Variants in DVL3 observed in about 807,000 individuals in gnomAD.
DVL3 encodes segment polarity protein dishevelled homolog DVL-3.
In DVL3, 27 loss-of-function variants were observed where a neutral mutation model predicts 67.4. The observed-to-expected ratio is 0.40, with a 90% confidence interval of 0.30 to 0.55. The LOEUF is 0.55. DVL3 is among the 20% of genes least tolerant of loss of function. The pLI is 0.46. For missense variants in DVL3, 819 were observed against 1,021.5 expected, an observed-to-expected ratio of 0.80 and a Z score of 2.70; for synonymous variants, 369 against 396.8, an observed-to-expected ratio of 0.93 and a Z score of 0.83.
chr3:184,166,118 C>T lies in DVL3; in HGVS notation c.764-8C>T, dbSNP rs746045622. On this transcript the variant is annotated splice_polypyrimidine_tract_variant and splice_region_variant and intron_variant, in intron 7 of 14. Coordinates refer to ENST00000313143, the MANE Select transcript of DVL3 (RefSeq NM_004423.4). This position sits in a 1 kb window ranked among gnomAD's most constrained non-coding sequence, Gnocchi z 6.7. ...CTCCCCCTTAAGGTCTTAAATTACT[C>T]TCTATAGAAAAATATAACTTCTTGG... 6.2e-6 allele frequency: 10 copies of T among 1,611,704 alleles called. No homozygotes were observed. The East Asian group carries it at 2.2e-4, about 36-fold the overall frequency.
intron 1 of DVL3, among the ~76,000 whole-genome samples, chr3:184,160,626 G>T (rs1714348146): frequency 6.6e-6 from 1 of 152,132 alleles, no homozygotes; most frequent in South Asian, 2.1e-4. Flanking sequence ...CCCCAAAGCT[G>T]CTGAAGATCA....
Position 184,171,696 on chromosome 3 carries a change from A to C in DVL3, c.*941A>C. 1.5e-6 allele frequency: 1 copy of C among 660,568 alleles called. No homozygotes were observed. The highest frequency in any genetic ancestry group is 1.9e-6 in the Non-Finnish European group (1 of 533,030). The allele number at this position is 660,568 out of a possible 1,614,324, so 40.9% of individuals were successfully genotyped here. A position where few individuals can be genotyped will look rare whatever the true frequency, so the allele number is the denominator to read the frequency against. On this transcript the variant is annotated 3_prime_UTR_variant, in exon 15 of 15. Transcript: ENST00000313143. ...AAGGATGTCCAGCCCCCACACCCAC[A>C]CGTTAACATAATGAGTCACTAGGCT...
rs915944342 is a variant in DVL3, at chr3:184,167,237, G to A, written c.1198+262G>A. ...GGGACTCACGATATAAACTTTACCA[G>A]GTTCCTGTGGGTTTAATGAGAGGAT... On this transcript the variant is annotated intron_variant, in intron 11 of 14. Transcript: ENST00000313143. This position sits in a 1 kb window ranked among gnomAD's most constrained non-coding sequence, Gnocchi z 4.6. 6.6e-6 allele frequency among the ~76,000 whole-genome samples: 1 copy of A among 152,182 alleles called. No individual in the cohort carries two copies. Among genetic ancestry groups the A allele is most frequent in the Admixed American group, 6.5e-5 (1 of 15,280 alleles).
chr3:184,164,427 C>T lies in DVL3; in HGVS notation c.353+39C>T. On this transcript the variant is annotated intron_variant, in intron 3 of 14. Coordinates refer to ENST00000313143, the MANE Select transcript of DVL3 (RefSeq NM_004423.4). This position sits in a 1 kb window ranked among gnomAD's most constrained non-coding sequence, Gnocchi z 5.3. ...GAGGGTGGGGAGGGCCGCATCAGTT[C>T]AGCCCAGGGCTGGGGGAGGGAGCCC... 1 of 1,604,368 alleles carries T rather than the reference C, an allele frequency of 6.2e-7. No individual in the cohort carries two copies. Among genetic ancestry groups the T allele is most frequent in the Non-Finnish European group, 8.5e-7 (1 of 1,175,002 alleles).
rs777094418 is a variant in DVL3 at position 184,166,151 on chromosome 3, C to T, written c.789C>T (p.Ser263=). ...AAAAATATAACTTCTTGGGCATCTC[C>T]ATTGTGGGCCAAAGCAACGAGCGTG... The part of the protein sequence containing the change: ...NMEKYNFLGI[S]IVGQSNERGD... Residue 263 remains serine, a synonymous_variant, in exon 8 of 15, where the codon TCC becomes TCT. Coordinates refer to ENST00000313143, the MANE Select transcript of DVL3 (RefSeq NM_004423.4). This position sits in a 1 kb window ranked among gnomAD's most constrained non-coding sequence, Gnocchi z 6.7. 4 of 1,613,800 alleles carry T rather than the reference C, an allele frequency of 2.5e-6. No individual in the cohort carries two copies. Among genetic ancestry groups the T allele is most frequent in the Admixed American group, 3.3e-5 (2 of 59,848 alleles).
At position 184,164,143 on chromosome 3, in the gene DVL3, G is replaced by A; in HGVS notation, c.232-124G>A. ...ATCTCAGCCACCCTCGCACAGCCCT[G>A]TCTTTTCTCCCTCGATATTTCCTGC... On this transcript the variant is annotated intron_variant, in intron 2 of 14. Coordinates refer to ENST00000313143, the MANE Select transcript of DVL3 (RefSeq NM_004423.4). This position sits in a 1 kb window ranked among gnomAD's most constrained non-coding sequence, Gnocchi z 5.3. 1 of 1,232,578 alleles carries A rather than the reference G, an allele frequency of 8.1e-7. No homozygotes were observed. Among genetic ancestry groups the A allele is most frequent in the South Asian group, 1.4e-5 (1 of 70,812 alleles). 76.4% of individuals were successfully genotyped at this position (1,232,578 alleles called of 1,614,324 possible).
chr3:184,155,586 C>T lies in DVL3; in HGVS notation c.-50C>T, dbSNP rs772938093. The T allele has an allele frequency of 2.1e-5, 23 of 1,077,964 alleles. No individual in the cohort carries two copies. Among genetic ancestry groups the T allele is most frequent in the Non-Finnish European group, 2.5e-5 (22 of 888,548 alleles). The allele number at this position is 1,077,964 out of a possible 1,614,324, so 66.8% of individuals were successfully genotyped here. A position where few individuals can be genotyped will look rare whatever the true frequency, so the allele number is the denominator to read the frequency against. Reference sequence around the variant, plus strand: ...CCGCCGCCGTCTGGGAGGCTCGGCCCGGCCGCCCGAGCAGGCCGCGCGCGG... The same window carrying T: ...CCGCCGCCGTCTGGGAGGCTCGGCCTGGCCGCCCGAGCAGGCCGCGCGCGG... On this transcript the variant is annotated 5_prime_UTR_variant, in exon 1 of 15. Transcript: ENST00000313143. The surrounding 1 kb of genome is among the most constrained non-coding windows in gnomAD (Gnocchi z 5.4).
At position 184,166,741 on chromosome 3, in the gene DVL3, C is replaced by T. The variant is rs115984287; in HGVS notation, c.1048+68C>T. On this transcript the variant is annotated intron_variant, in intron 10 of 14. Transcript: ENST00000313143. This position sits in a 1 kb window ranked among gnomAD's most constrained non-coding sequence, Gnocchi z 6.7. ...ACATGAGCACTGTCTCTCCTTTCTTCTCTCACCCAGAACCCCCATATCTAT... is the reference window on the plus strand; with the variant it reads ...ACATGAGCACTGTCTCTCCTTTCTTTTCTCACCCAGAACCCCCATATCTAT... 2.0e-5 allele frequency: 32 copies of T among 1,612,480 alleles called. No homozygotes were observed. The highest frequency in any genetic ancestry group is 2.6e-5 in the Non-Finnish European group (31 of 1,179,088).
In DVL3 at chr3:184,166,697, C is replaced by G. The variant is rs1714601567; in HGVS notation, c.1048+24C>G. The G allele has an allele frequency of 6.2e-7, 1 of 1,613,286 alleles. No homozygotes were observed. Among genetic ancestry groups the G allele is most frequent in the South Asian group, 1.1e-5 (1 of 90,970 alleles). Reference sequence around the variant, plus strand: ...GAGTAAGTGGATGGGAGACTCAGTCCTAAAGCTGGTGCTTACATACATGAG... The same window carrying G: ...GAGTAAGTGGATGGGAGACTCAGTCGTAAAGCTGGTGCTTACATACATGAG... On this transcript the variant is annotated intron_variant, in intron 10 of 14. Transcript: ENST00000313143. The surrounding 1 kb of genome is among the most constrained non-coding windows in gnomAD (Gnocchi z 6.7).
rs1454155124 is a variant in DVL3 at position 184,170,520 on chromosome 3, C to T, written c.1916C>T (p.Ser639Phe). 1.2e-6 allele frequency: 2 copies of T among 1,609,176 alleles called. 1 individual carries two copies. The highest frequency in any genetic ancestry group is 3.3e-4 in the Middle Eastern group (2 of 6,046). Residue 639 changes from serine (S) to phenylalanine (F), a missense_variant, in exon 15 of 15, where the codon TCC (serine) becomes TTC (phenylalanine). By Grantham distance (155) the Ser-to-Phe change is radical (BLOSUM62 -2). This residue lies in a region of DVL3 where 324 missense variants were observed against 331.3 expected (regional missense o/e 0.98). Transcript: ENST00000313143. The surrounding 1 kb of genome is among the most constrained non-coding windows in gnomAD (Gnocchi z 6.5). ...GAGCACAGCCACCGCAGCCACCATT[C>T]CCTGGCCAGCAGCCTTCGCAGCCAC... ...ASEHSHRSHH[S>F]LASSLRSHHT...
At position 184,164,745 on chromosome 3, in the gene DVL3, T is replaced by G. The variant is rs763972087; in HGVS notation, c.464-51T>G. 8 of 1,612,164 alleles carry G rather than the reference T, an allele frequency of 5.0e-6. No individual in the cohort carries two copies. The South Asian group carries it at 6.6e-5, about 13-fold the overall frequency. ...CCCCTGGCTTGCCTCTCTCCCTCCT[T>G]CACCCCTGCACTGGGCACTGTGTAA... On this transcript the variant is annotated intron_variant, in intron 4 of 14. Transcript: ENST00000313143. The surrounding 1 kb of genome is among the most constrained non-coding windows in gnomAD (Gnocchi z 5.3).
rs761415739 is a variant in DVL3, at chr3:184,165,433, C to T, written c.705C>T (p.Phe235=). The change falls in exon 7 of 15, where the codon TTC becomes TTT. Residue 235 remains phenylalanine, a synonymous_variant. Coordinates refer to ENST00000313143, the MANE Select transcript of DVL3 (RefSeq NM_004423.4). The surrounding 1 kb of genome is among the most constrained non-coding windows in gnomAD (Gnocchi z 4.1). ...KVSRIERSSS[F]SSITDSTMSL... ...TCTGTCTATTCCAGTCCTCGTCCTTCAGCAGCATCACGGACTCCACCATGT... is the reference window on the plus strand; with the variant it reads ...TCTGTCTATTCCAGTCCTCGTCCTTTAGCAGCATCACGGACTCCACCATGT... 5.6e-6 allele frequency: 9 copies of T among 1,613,966 alleles called. No homozygotes were observed. Among genetic ancestry groups the T allele is most frequent in the African/African-American group, 1.3e-5 (1 of 74,902 alleles).
Position 184,164,898 on chromosome 3 carries a change from T to A in DVL3, c.566T>A (p.Phe189Tyr). The change falls in exon 5 of 15, where the codon TTC (phenylalanine) becomes TAC (tyrosine). Residue 189 changes from phenylalanine to tyrosine, a missense_variant. This residue lies in a region of DVL3 where 385 missense variants were observed against 486.8 expected (regional missense o/e 0.79). Transcript: ENST00000313143. The surrounding 1 kb of genome is among the most constrained non-coding windows in gnomAD (Gnocchi z 5.3). ...AGCAGTGAGCTGGAGACCACCAGCT[T>A]CTTTGACTCAGATGAGGATGACTCC... ...LMSSELETTS[F>Y]FDSDEDDSTS... 6.2e-7 allele frequency: 1 copy of A among 1,614,162 alleles called. No individual in the cohort carries two copies. Among genetic ancestry groups the A allele is most frequent in the Non-Finnish European group, 8.5e-7 (1 of 1,180,030 alleles).
Position 184,166,826 on chromosome 3 carries a change from G to A in DVL3, c.1049G>A (p.Ser350Asn), listed in dbSNP as rs1714608025. The part of the protein sequence containing the change: ...SPRGCFTLPR[S>N]EPIRPIDPAA... ...CCATGACTCCTCATCCTCCCTGCAG[G>A]CGAGCCCATCCGGCCCATTGACCCT... The change falls in exon 11 of 15, where the codon AGC becomes AAC. Residue 350 changes from serine (S) to asparagine (N), a missense_variant and splice_region_variant. Ser to Asn is a conservative substitution (Grantham distance 46). Transcript: ENST00000313143. This position sits in a 1 kb window ranked among gnomAD's most constrained non-coding sequence, Gnocchi z 6.7. 1 of 1,613,850 alleles carries A rather than the reference G, an allele frequency of 6.2e-7. No individual in the cohort carries two copies. The highest frequency in any genetic ancestry group is 1.1e-5 in the South Asian group (1 of 91,054).
In DVL3 at chr3:184,170,310, C is replaced by G; in HGVS notation, c.1715-9C>G. ...CCTGCCCCACCCCGGCCCTGTTTGC[C>G]TCCTACAGGCAGTCGGAGCAGTGGC... is the stretch of plus-strand genomic sequence containing the variant. On this transcript the variant is annotated splice_polypyrimidine_tract_variant and intron_variant, in intron 14 of 14. Coordinates refer to ENST00000313143, the MANE Select transcript of DVL3 (RefSeq NM_004423.4). This position sits in a 1 kb window ranked among gnomAD's most constrained non-coding sequence, Gnocchi z 6.5. 6.3e-7 allele frequency: 1 copy of G among 1,595,958 alleles called. No individual in the cohort carries two copies. The highest frequency in any genetic ancestry group is 8.5e-7 in the Non-Finnish European group (1 of 1,171,056).
intron 1 of DVL3, among the ~76,000 whole-genome samples, chr3:184,159,765 G>A (rs968077264): frequency 2.0e-5 from 3 of 152,092 alleles, no homozygotes; most frequent in African/African-American, 7.2e-5. Context: ...CTGGATTGCA[G>A]TATATTTCCA....
rs992678983 is a variant in DVL3, at chr3:184,173,157, C to T, written c.*2402C>T. On this transcript the variant is annotated 3_prime_UTR_variant, in exon 15 of 15. Coordinates refer to ENST00000313143, the MANE Select transcript of DVL3 (RefSeq NM_004423.4). ...TACTGGACATCTCTATGGACAGTTC[C>T]GTATAGACTCAACTCATCTGCCCAA... 3 of 152,250 alleles carry T rather than the reference C, an allele frequency of 2.0e-5. No homozygotes were observed. The highest frequency in any genetic ancestry group is 4.8e-5 in the African/African-American group (2 of 41,446). The allele number at this position is 152,250 out of a possible 1,614,324, so 9.4% of individuals were successfully genotyped here. A position where few individuals can be genotyped will look rare whatever the true frequency, so the allele number is the denominator to read the frequency against.
Position 184,167,254 on chromosome 3 carries a change from T to C in DVL3, c.1198+279T>C, listed in dbSNP as rs1268510241. On this transcript the variant is annotated intron_variant, in intron 11 of 14. Transcript: ENST00000313143. This position sits in a 1 kb window ranked among gnomAD's most constrained non-coding sequence, Gnocchi z 4.6. The stretch of plus-strand genomic sequence containing the variant: ...CTTTACCAGGTTCCTGTGGGTTTAA[T>C]GAGAGGATATAAGTGAAGCACCATT... 6.6e-6 allele frequency among the ~76,000 whole-genome samples: 1 copy of C among 152,202 alleles called. No homozygotes were observed. The highest frequency in any genetic ancestry group is 1.5e-5 in the Non-Finnish European group (1 of 68,036).
At position 184,171,043 on chromosome 3, in the gene DVL3, A is replaced by G. The variant is rs1714818736; in HGVS notation, c.*288A>G. The stretch of plus-strand genomic sequence containing the variant: ...CTCTGGGACCAGACTTGTTGGTGCT[A>G]CCCCTTACTCCCCTCTGCAACCCCC... On this transcript the variant is annotated 3_prime_UTR_variant, in exon 15 of 15. Transcript: ENST00000313143. 1 of 1,349,234 alleles carries G rather than the reference A, an allele frequency of 7.4e-7. No individual in the cohort carries two copies. The highest frequency in any genetic ancestry group is 3.4e-5 in the East Asian group (1 of 29,432). The allele number at this position is 1,349,234 out of a possible 1,614,324, so 83.6% of individuals were successfully genotyped here. A position where few individuals can be genotyped will look rare whatever the true frequency, so the allele number is the denominator to read the frequency against.
Sources: allele counts gnomAD v4.1 joint callset (sites outside exome capture counted in the v4.1 genomes callset), GRCh38; gene constraint gnomAD v4.1.1; regional missense constraint gnomAD v4.1.1; non-coding constraint Gnocchi (gnomAD v3.1); transcripts MANE v1.5; gene names NCBI Gene and HGNC (gene_info 2026-07-23, HGNC 2026-07-21).